Variants in RASSF3 observed in about 807,000 individuals in gnomAD.
The protein encoded by RASSF3 is Ras association domain family member 3.
Under a neutral mutation model 19.9 loss-of-function variants are expected in RASSF3, and 19 were observed. The ratio of observed to expected loss-of-function variants is 0.96; its 90% CI spans 0.67 to 1.40. RASSF3 has a LOEUF of 1.40. Among genes scored for constraint, RASSF3 ranks in the 40% most tolerant of loss-of-function variants. The probability of loss-of-function intolerance (pLI) is 0.00; values close to 1 mark genes in which losing one functional copy is unlikely to be tolerated. For missense variants in RASSF3, 306 were observed against 289.8 expected, an observed-to-expected ratio of 1.06 and a Z score of -0.41; for synonymous variants, 110 against 104.2, an observed-to-expected ratio of 1.06 and a Z score of -0.34.
chr12:64,517,800 G>A (rs1473710667), intron 1 of RASSF3, among the ~76,000 whole-genome samples: 1 of 151,844 alleles, frequency 6.6e-6, no homozygotes, highest in Non-Finnish European at 1.5e-5. Flanking sequence ...TGTACTTTTT[G>A]TAGAGATGGG....
chr12:64,537,415 G>C (rs1700936761), intron 1 of RASSF3, among the ~76,000 whole-genome samples: 1 of 152,174 alleles, frequency 6.6e-6, no homozygotes, highest in African/African-American at 2.4e-5. Flanking sequence ...AAAAGAGGTA[G>C]AGATAGAATT....
intron 1 of RASSF3, among the ~76,000 whole-genome samples, chr12:64,682,934 C>T (rs1264459964): frequency 1.3e-5 from 2 of 152,194 alleles, no homozygotes; most frequent in Non-Finnish European, 2.9e-5. Flanking sequence ...AATGTTTACC[C>T]ACACCAGACC....
intron 2 of RASSF3, among the ~76,000 whole-genome samples, chr12:64,602,910 C>T (rs1461277912): frequency 6.6e-6 from 1 of 152,050 alleles, no homozygotes; most frequent in African/African-American, 2.4e-5. Context: ...ACCAGCCTCG[C>T]CAACATGGTG....
At chr12:64,651,534 A>AT (rs1164748617) in intron 1 of RASSF3, among the ~76,000 whole-genome samples, 1 of 151,776 alleles carries the variant, frequency 6.6e-6, no homozygotes, top group Non-Finnish European at 1.5e-5. Context: ...TGATTTTTGA[A>AT]TTTTTAGTAG....
intron 1 of RASSF3, among the ~76,000 whole-genome samples, chr12:64,519,036 CAT>C (rs1471164349): frequency 6.6e-6 from 1 of 152,178 alleles, no homozygotes; most frequent in Non-Finnish European, 1.5e-5. Context: ...CAAGAAGTCA[CAT>C]GATTGATCAT....
At chr12:64,675,380 GC>G (rs1329900715) in intron 1 of RASSF3, among the ~76,000 whole-genome samples, 2 of 151,940 alleles carry the variant, frequency 1.3e-5, no homozygotes, top group African/African-American at 4.8e-5. Context: ...GAACTCCTGG[GC>G]TCAAGTGATC....
At chr12:64,525,270 G>A (rs923049248) in intron 1 of RASSF3, among the ~76,000 whole-genome samples, 1 of 151,832 alleles carries the variant, frequency 6.6e-6, no homozygotes, top group East Asian at 1.9e-4. Context: ...GTGAGACTCC[G>A]TGTCAAGAAA....
intron 1 of RASSF3, among the ~76,000 whole-genome samples, chr12:64,539,603 C>T (rs1446423097): frequency 6.6e-6 from 1 of 151,964 alleles, no homozygotes; most frequent in Non-Finnish European, 1.5e-5. Context: ...TGGTGAAACC[C>T]CATCTCTACA....
At chr12:64,633,654 A>C (rs1050372424) in intron 1 of RASSF3, among the ~76,000 whole-genome samples, 2 of 152,212 alleles carry the variant, frequency 1.3e-5, no homozygotes, top group African/African-American at 2.4e-5. Context: ...GCAATGAAGA[A>C]AAGACAAACA....
chr12:64,623,895 C>T (rs1870888292), intron 1 of RASSF3, among the ~76,000 whole-genome samples: 2 of 151,872 alleles, frequency 1.3e-5, no homozygotes, highest in Admixed American at 1.3e-4. Flanking sequence ...CCGATCTGCC[C>T]GCCTCTGCCT....
At position 64,695,120 on chromosome 12, in the gene RASSF3, C is replaced by A. The variant is rs1868336259; in HGVS notation, c.*208C>A. On this transcript the variant is annotated 3_prime_UTR_variant, in exon 5 of 5. Transcript: ENST00000542104. ...GACTCTGCAAGCTTGTTGTTCAGCA[C>A]CGCAGTGTTACCTCTTGGCAAGCTG... The A allele has an allele frequency of 1.4e-5, 7 of 518,442 alleles. No homozygotes were observed. The highest frequency in any genetic ancestry group is 2.4e-5 in the Non-Finnish European group (7 of 293,386). The allele number at this position is 518,442 out of a possible 1,614,324, so 32.1% of individuals were successfully genotyped here.
At chr12:64,529,178 T>A (rs1210863435), upstream of RASSF3, among the ~76,000 whole-genome samples, 3 of 152,224 alleles carry the variant, frequency 2.0e-5, no homozygotes, top group Admixed American at 1.3e-4. Context: ...AGACCTTAAA[T>A]GTCTTTTCTA....
intron 1 of RASSF3, among the ~76,000 whole-genome samples, chr12:64,639,762 T>G (rs1871449991): frequency 6.6e-6 from 1 of 152,192 alleles, no homozygotes; most frequent in Non-Finnish European, 1.5e-5. Flanking sequence ...TTAGAAATTT[T>G]ATGTAACTGC....
upstream of RASSF3, among the ~76,000 whole-genome samples, chr12:64,605,682 G>A (rs1001390153): frequency 8.6e-5 from 13 of 152,030 alleles, no homozygotes; most frequent in Non-Finnish European, 2.9e-5. Flanking sequence ...CTGAGGTTGG[G>A]AGTTCAAGAC....
chr12:64,527,709 C>A (rs1233070856), intron 1 of RASSF3, among the ~76,000 whole-genome samples: 1 of 149,464 alleles, frequency 6.7e-6, no homozygotes, highest in Non-Finnish European at 1.5e-5. Flanking sequence ...CCAAGGTGGG[C>A]AGATCACTTG....
At chr12:64,521,295 C>T (rs1868474375) in intron 1 of RASSF3, among the ~76,000 whole-genome samples, 2 of 152,148 alleles carry the variant, frequency 1.3e-5, no homozygotes, top group Admixed American at 1.3e-4. Flanking sequence ...TGGAGAAATC[C>T]ATCCCCACTC....
chr12:64,602,556 G>C (rs1565847124), intron 2 of RASSF3, among the ~76,000 whole-genome samples: 1 of 150,906 alleles, frequency 6.6e-6, no homozygotes, highest in Non-Finnish European at 1.5e-5. Flanking sequence ...ACTCCAGCCT[G>C]GTGCCAGAGC....
intron 4 of RASSF3, among the ~76,000 whole-genome samples, chr12:64,692,299 G>T (rs1868297836): frequency 6.6e-6 from 1 of 152,172 alleles, no homozygotes; most frequent in African/African-American, 2.4e-5. Context: ...AGGGTTTCTA[G>T]GTTAAAAGTT....
chr12:64,525,550 G>A (rs1292611670), intron 1 of RASSF3, among the ~76,000 whole-genome samples: 1 of 152,122 alleles, frequency 6.6e-6, no homozygotes, highest in Non-Finnish European at 1.5e-5. Context: ...TGTCTCATAT[G>A]AACAGTCATA....
Sources: allele counts gnomAD v4.1 joint callset (sites outside exome capture counted in the v4.1 genomes callset), GRCh38; gene constraint gnomAD v4.1.1; transcripts MANE v1.5; gene names NCBI Gene and HGNC (gene_info 2026-07-23, HGNC 2026-07-21).